Variants in EBF1 observed in about 807,000 individuals in gnomAD.
EBF1 encodes the protein transcription factor COE1.
EBF1 carries 10 observed loss-of-function variants against 68.4 expected under a neutral mutation model. The observed-to-expected ratio is 0.15, with a 90% CI of 0.09 to 0.25. The LOEUF is 0.25. Among genes scored for constraint, EBF1 ranks in the 10% least tolerant of loss-of-function variants. EBF1 has a pLI of 1.00. For synonymous variants in EBF1, 298 were observed against 299.8 expected (o/e 0.99, Z 0.06); for missense variants, 509 against 794.4 (o/e 0.64, Z 4.32).
At chr5:159,034,064 G>A (rs1186391475) in intron 6 of EBF1, among the ~76,000 whole-genome samples, 1 of 152,064 alleles carries the variant, frequency 6.6e-6, no homozygotes, top group East Asian at 1.9e-4. Flanking sequence ...ATACATTGAG[G>A]CCATCTTGAA....
At chr5:158,824,379 G>A (rs925023942) in intron 7 of EBF1, among the ~76,000 whole-genome samples, 4 of 152,198 alleles carry the variant, frequency 2.6e-5, no homozygotes, top group African/African-American at 7.2e-5. Flanking sequence ...ATTGATCACC[G>A]ATAGATTGAC....
intron 6 of EBF1, among the ~76,000 whole-genome samples, chr5:159,023,084 A>G (rs1767028978): frequency 6.6e-6 from 1 of 152,140 alleles, no homozygotes; most frequent in Non-Finnish European, 1.5e-5. Flanking sequence ...GAATCGTGAA[A>G]GCTTGGGGCC....
At chr5:158,903,598 C>T (rs368089233) in intron 6 of EBF1, among the ~76,000 whole-genome samples, 1 of 151,640 alleles carries the variant, frequency 6.6e-6, no homozygotes, top group East Asian at 1.9e-4. Context: ...TGTTCTTTTT[C>T]ACTTAAAAAA....
chr5:158,969,783 G>C (rs1754999517), intron 6 of EBF1, among the ~76,000 whole-genome samples: 1 of 144,654 alleles, frequency 6.9e-6, no homozygotes, highest in South Asian at 2.2e-4. Flanking sequence ...AAGAAAGAAA[G>C]AGAAAAAGAA....
chr5:158,957,297 C>T (rs146060972), intron 6 of EBF1, among the ~76,000 whole-genome samples: 1 of 152,256 alleles, frequency 6.6e-6, no homozygotes, highest in African/African-American at 2.4e-5. Flanking sequence ...TAAGCACTGT[C>T]ATGGATGCAA....
chr5:158,837,302 A>G (rs763914024), intron 7 of EBF1, among the ~76,000 whole-genome samples: 3 of 152,262 alleles, frequency 2.0e-5, no homozygotes, highest in Non-Finnish European at 4.4e-5. Flanking sequence ...TATCCAGTCT[A>G]AAATGTTAAC....
intron 6 of EBF1, among the ~76,000 whole-genome samples, chr5:158,900,635 C>A (rs1803111576): frequency 6.6e-6 from 1 of 152,182 alleles, no homozygotes; most frequent in Non-Finnish European, 1.5e-5. Flanking sequence ...TCCCCTGAAG[C>A]AGAGAACTAA....
In EBF1 at chr5:159,097,148, G is replaced by C; in HGVS notation, c.135-18C>G. 1 of 1,611,566 alleles carries C rather than the reference G, an allele frequency of 6.2e-7. No individual in the cohort carries two copies. Among genetic ancestry groups the C allele is most frequent in the East Asian group, 2.2e-5 (1 of 44,832 alleles). ...CCACCCCGCTGCGGCCAAAGACGCAGAGTTAGATGGCTAAACCGGACGCCG... is the reference window on the plus strand; with the variant it reads ...CCACCCCGCTGCGGCCAAAGACGCACAGTTAGATGGCTAAACCGGACGCCG... On this transcript the variant is annotated intron_variant, in intron 1 of 15. Coordinates refer to ENST00000313708, the MANE Select transcript of EBF1 (RefSeq NM_024007.5).
intron 6 of EBF1, among the ~76,000 whole-genome samples, chr5:159,057,325 T>C (rs1774958807): frequency 6.6e-6 from 1 of 152,198 alleles, no homozygotes; most frequent in Non-Finnish European, 1.5e-5. Context: ...CAGGCTGGTC[T>C]CGAACTCCTA....
chr5:158,790,374 T>C (rs1778361784), intron 9 of EBF1, among the ~76,000 whole-genome samples: 1 of 152,326 alleles, frequency 6.6e-6, no homozygotes, highest in African/African-American at 2.4e-5. Flanking sequence ...ATATTTAAGA[T>C]GGTTTTCTCA....
At chr5:158,982,608 T>C (rs1758109493) in intron 6 of EBF1, among the ~76,000 whole-genome samples, 1 of 152,196 alleles carries the variant, frequency 6.6e-6, no homozygotes, top group African/African-American at 2.4e-5. Context: ...AAAATCCCTG[T>C]TGACAAGGCA....
chr5:158,758,158 T>C (rs1485012065), intron 10 of EBF1, among the ~76,000 whole-genome samples: 2 of 152,192 alleles, frequency 1.3e-5, no homozygotes, highest in African/African-American at 4.8e-5. Context: ...AAATAGAGGT[T>C]TAAATGATAA....
At position 159,097,084 on chromosome 5, in the gene EBF1, T is replaced by G. The variant is rs753286901; in HGVS notation, c.181A>C (p.Asn61His). 2 of 1,613,902 alleles carry G rather than the reference T, an allele frequency of 1.2e-6. No individual in the cohort carries two copies. The highest frequency in any genetic ancestry group is 1.7e-6 in the Non-Finnish European group (2 of 1,179,990). Reference sequence around the variant, plus strand: ...TGGAAGAAGTTGGATTTCCGCAGATTGGAAGGCGGCTGCTTCTCAAAGTGA... The same window carrying G: ...TGGAAGAAGTTGGATTTCCGCAGATGGGAAGGCGGCTGCTTCTCAAAGTGA... ...RAHFEKQPPS[N>H]LRKSNFFHFV... The change falls in exon 2 of 16, where the codon AAT (asparagine) becomes CAT (histidine). Residue 61 changes from asparagine (N) to histidine (H), a missense_variant. Asn to His is a moderately conservative substitution (Grantham distance 68). Around this residue, in one of 3 missense-constraint regions of EBF1, gnomAD observed 230 missense variants for 467.7 expected, o/e 0.49. Coordinates refer to ENST00000313708, the MANE Select transcript of EBF1 (RefSeq NM_024007.5).
chr5:158,746,443 C>T (rs370622077), intron 10 of EBF1, among the ~76,000 whole-genome samples: 2 of 152,270 alleles, frequency 1.3e-5, no homozygotes, highest in East Asian at 3.9e-4. Flanking sequence ...AAAGTAGGCC[C>T]AGTGGCCACA....
intron 9 of EBF1, among the ~76,000 whole-genome samples, chr5:158,781,744 GCTT>G (rs1157701682): frequency 6.6e-6 from 1 of 151,990 alleles, no homozygotes; most frequent in Admixed American, 6.6e-5. Context: ...GCTCTTCTCT[GCTT>G]CTTCTCTTTC....
chr5:158,927,824 T>C (rs1810010058), intron 6 of EBF1, among the ~76,000 whole-genome samples: 1 of 152,256 alleles, frequency 6.6e-6, no homozygotes, highest in Non-Finnish European at 1.5e-5. Flanking sequence ...TCTCATTTAA[T>C]CTTTGTAACA....
In EBF1 at chr5:158,985,264, C is replaced by T. The variant is rs149738268; in HGVS notation, c.554+88132G>A. ...GCAACCTGGATTTCCAGTGGTAGTT[C>T]TGCCTAACCAGCTTTGGGACCATGT... On this transcript the variant is annotated intron_variant, in intron 6 of 15. Transcript: ENST00000313708. Among the ~76,000 whole-genome samples, 726 of 152,334 alleles carry T rather than the reference C, an allele frequency of 4.8e-3. 3 individuals are homozygous for T. Among genetic ancestry groups the T allele is most frequent in the Non-Finnish European group, 7.3e-3 (496 of 68,032 alleles).
intron 10 of EBF1, among the ~76,000 whole-genome samples, chr5:158,750,738 A>C (rs1180974317): frequency 6.6e-6 from 1 of 152,060 alleles, no homozygotes; most frequent in African/African-American, 2.4e-5. Context: ...ATTATTTCAA[A>C]AGTTTTTTTT....
Position 158,796,817 on chromosome 5 carries a change from T to A in EBF1, c.779-342A>T, listed in dbSNP as rs187490943. Among the ~76,000 whole-genome samples, 5 of 152,308 alleles carry A rather than the reference T, an allele frequency of 3.3e-5. No homozygotes were observed. In the East Asian group the frequency reaches 9.7e-4, roughly 29 times the overall value. ...ATATGGGTGACTTTCTGGAATATAT[T>A]GGAAACCTTACAGAATTGCTTCATA... On this transcript the variant is annotated intron_variant, in intron 8 of 15. Transcript: ENST00000313708.
Sources: allele counts gnomAD v4.1 joint callset (sites outside exome capture counted in the v4.1 genomes callset), GRCh38; gene constraint gnomAD v4.1.1; regional missense constraint gnomAD v4.1.1; transcripts MANE v1.5; gene names NCBI Gene and HGNC (gene_info 2026-07-23, HGNC 2026-07-21).